F8: variants seen among roughly 807,000 people sequenced by gnomAD.
The protein encoded by F8 is coagulation factor VIII.
Under a neutral mutation model 140.6 loss-of-function variants are expected in F8, and 12 were observed. The ratio of observed to expected loss-of-function variants is 0.09; its 90% CI spans 0.05 to 0.14. The LOEUF (loss-of-function observed/expected upper bound fraction) is 0.14, where lower values mean the gene tolerates loss of function less well. Ranked by LOEUF, F8 falls within the 10% of genes least tolerant of loss-of-function variation. The probability of loss-of-function intolerance (pLI) is 1.00; values close to 1 mark genes in which losing one functional copy is unlikely to be tolerated. For missense variants in F8, 1,354 were observed against 1,720.7 expected, an observed-to-expected ratio of 0.79 and a Z score of 3.77; for synonymous variants, 585 against 614.6, an observed-to-expected ratio of 0.95 and a Z score of 0.71.
chrX:154,887,061 AC>A, intron 22 of F8: 2 of 125,712 alleles, frequency 1.6e-5, no homozygotes, highest in Non-Finnish European at 1.1e-5. Context: ...CGCCGCCGGC[AC>A]CCCAGCCCGG....
intron 25 of F8, among the ~76,000 whole-genome samples, chrX:154,854,590 T>TGTG (rs2072637816): frequency 1.0e-5 from 1 of 100,440 alleles, no homozygotes; most frequent in East Asian, 3.2e-4. Context: ...AGCTAATTCC[T>TGTG]TGTGTGTGTG....
chrX:154,909,032 T>C (rs1185374141), intron 14 of F8: 4 of 224,541 alleles, frequency 1.8e-5, no homozygotes, highest in African/African-American at 3.0e-5. Flanking sequence ...GCTGCTTCCG[T>C]TGGCGAGTCA....
intron 10 of F8, 114 bp downstream of exon 10, chrX:154,960,961 G>A: frequency 1.9e-6 from 1 of 527,281 alleles, no homozygotes; most frequent in Admixed American, 2.7e-5. Flanking sequence ...ACTGGAGCTT[G>A]AGGTCCGGCC....
At chrX:155,017,114 A>G (rs1324085243) in intron 1 of F8, among the ~76,000 whole-genome samples, 3 of 112,870 alleles carry the variant, frequency 2.7e-5, no homozygotes, top group Non-Finnish European at 5.6e-5. Context: ...TGCACGGAAA[A>G]TTGAAGTCAG....
At chrX:154,839,708 T>G (rs182074979) in intron 25 of F8, among the ~76,000 whole-genome samples, 1 of 111,615 alleles carries the variant, frequency 9.0e-6, no homozygotes, top group Non-Finnish European at 1.9e-5. Flanking sequence ...TCTCAACTTA[T>G]TTGTTTCCTT....
rs782320637 is a variant in F8 at position 154,930,779 on chromosome X, G to C, written c.3011C>G (p.Thr1004Ser). The C allele has an allele frequency of 8.3e-7, 1 of 1,210,829 alleles. No homozygotes were observed. The highest frequency in any genetic ancestry group is 1.7e-5 in the African/African-American group (1 of 57,780). Residue 1004 changes from threonine (T) to serine (S), a missense_variant, in exon 14 of 26, where the codon ACT (threonine) becomes AGT (serine). By Grantham distance (58) the Thr-to-Ser change is moderately conservative (BLOSUM62 1). Around this residue, in one of 4 missense-constraint regions of F8, gnomAD observed 658 missense variants for 666.5 expected, o/e 0.99. Coordinates refer to ENST00000360256, the MANE Select transcript of F8 (RefSeq NM_000132.4). ...AACTTTGAATAAGGCATTATCTTTA[G>C]TCAACAAAGCAGGTCCATGAGCTCT... ...GKRAHGPALL[T>S]KDNALFKVSI...
intron 22 of F8, among the ~76,000 whole-genome samples, chrX:154,876,033 AT>A (rs2072809868): frequency 9.1e-6 from 1 of 109,875 alleles, no homozygotes; most frequent in South Asian, 3.9e-4. Flanking sequence ...AACACCTGGG[AT>A]TTTTTATCTG....
intron 22 of F8, among the ~76,000 whole-genome samples, chrX:154,877,018 G>T (rs1178323247): frequency 6.2e-5 from 7 of 112,200 alleles, no homozygotes; most frequent in Non-Finnish European, 1.1e-4. Context: ...GTTTTGAAAT[G>T]AAGTATATAT....
chrX:154,945,711 A>G (rs2073300306), intron 13 of F8, among the ~76,000 whole-genome samples: 1 of 112,053 alleles, frequency 8.9e-6, no homozygotes, highest in Admixed American at 9.5e-5. Flanking sequence ...CACCAATTCT[A>G]TAAAATGTAG....
intron 1 of F8, among the ~76,000 whole-genome samples, chrX:155,009,302 C>T (rs782083064): frequency 8.1e-5 from 9 of 111,376 alleles, no homozygotes; most frequent in Non-Finnish European, 1.5e-4. Flanking sequence ...TTCACCAACT[C>T]ATCCCTAGTT....
chrX:154,983,554 G>A (rs782471836), intron 6 of F8, among the ~76,000 whole-genome samples: 2 of 111,553 alleles, frequency 1.8e-5, no homozygotes, highest in South Asian at 3.8e-4. Context: ...GTATTAAATC[G>A]TAACTGCATA....
intron 1 of F8, among the ~76,000 whole-genome samples, chrX:155,012,297 ACAGCT>A (rs1479056963): frequency 8.9e-6 from 1 of 112,372 alleles, no homozygotes; most frequent in Non-Finnish European, 1.9e-5. Flanking sequence ...ATTAAATTCA[ACAGCT>A]CAGATGGAAT....
chrX:154,957,102 A>G lies in F8; in HGVS notation c.1607T>C (p.Val536Ala). 1 of 1,211,335 alleles carries G rather than the reference A, an allele frequency of 8.3e-7. No individual in the cohort carries two copies. Among genetic ancestry groups the G allele is most frequent in the South Asian group, 1.8e-5 (1 of 56,995 alleles). ...ATCTGATTTAGTTGGCCCATCTTCT[A>G]CAGTCACTGTCCATTTATATTTGAA... is the stretch of plus-strand genomic sequence containing the variant. The part of the protein sequence containing the change: ...EIFKYKWTVT[V>A]EDGPTKSDPR... Residue 536 changes from valine to alanine, a missense_variant, in exon 11 of 26, where the codon GTA becomes GCA. Around this residue, in one of 4 missense-constraint regions of F8, gnomAD observed 252 missense variants for 338.5 expected, o/e 0.74. Transcript: ENST00000360256.
chrX:154,854,620 A>G (rs868995732), intron 25 of F8, among the ~76,000 whole-genome samples: 15 of 77,228 alleles, frequency 1.9e-4, no homozygotes, highest in Non-Finnish European at 3.2e-4. Flanking sequence ...GTGTGTGTGT[A>G]TGTATCTCCT....
At chrX:154,880,317 C>T (rs1557274332) in intron 22 of F8, among the ~76,000 whole-genome samples, 1 of 111,402 alleles carries the variant, frequency 9.0e-6, no homozygotes, top group Non-Finnish European at 1.9e-5. Flanking sequence ...GGCACACTGA[C>T]CTTCCTTTTT....
In F8 at chrX:154,929,652, CCTT is replaced by C. The variant is rs2124049299; in HGVS notation, c.4135_4137del (p.Lys1379del). The C allele has an allele frequency of 7.4e-6, 9 of 1,210,270 alleles. No individual in the cohort carries two copies. Among genetic ancestry groups the C allele is most frequent in the Non-Finnish European group, 1.0e-5 (9 of 894,684 alleles). ...GGAGACTGAGTAATGGCCCCTTTCT[CCTT>C]CTCATTGTAGTCTATCTGTGTGAGG... On this transcript the variant is annotated inframe_deletion, in exon 14 of 26. Coordinates refer to ENST00000360256, the MANE Select transcript of F8 (RefSeq NM_000132.4).
At chrX:154,957,683 C>T (rs938796184) in intron 10 of F8, among the ~76,000 whole-genome samples, 2 of 109,962 alleles carry the variant, frequency 1.8e-5, no homozygotes, top group African/African-American at 6.6e-5. Flanking sequence ...GTGAGGAGTT[C>T]GAGACCAGCC....
At chrX:154,980,646 AT>A (rs782234276) in intron 6 of F8, among the ~76,000 whole-genome samples, 1 of 111,975 alleles carries the variant, frequency 8.9e-6, no homozygotes, top group Non-Finnish European at 1.9e-5. Flanking sequence ...TGACTGCTCT[AT>A]TTCAGTGAGC....
At position 154,863,223 on chromosome X, in the gene F8, A is replaced by C. The variant is rs1603431562; in HGVS notation, c.6434T>G (p.Phe2145Cys). 1 of 1,210,266 alleles carries C rather than the reference A, an allele frequency of 8.3e-7. No homozygotes were observed. Among genetic ancestry groups the C allele is most frequent in the Non-Finnish European group, 1.1e-6 (1 of 893,835 alleles). The change falls in exon 23 of 26, where the codon TTC becomes TGC. Residue 2145 changes from phenylalanine to cysteine, a missense_variant. Transcript: ENST00000360256. ...RGNSTGTLMV[F>C]FGNVDSSGIK... Reference sequence around the variant, plus strand: ...CCCAGATGAATCCACATTGCCAAAGAAGACCTGTATGGAGAGATTAGCACA... The same window carrying C: ...CCCAGATGAATCCACATTGCCAAAGCAGACCTGTATGGAGAGATTAGCACA...
Sources: gnomAD v4.1 joint callset for allele counts (sites outside exome capture counted in the v4.1 genomes callset) on GRCh38, gnomAD v4.1.1 for gene constraint, gnomAD v4.1.1 regional missense constraint, MANE v1.5 for transcripts, NCBI Gene and HGNC (gene_info 2026-07-23, HGNC 2026-07-21) for gene names.